The following RBMS3 variants were observed in gnomAD, a reference collection of about 807,000 sequenced individuals.
RBMS3 encodes the protein RNA-binding motif, single-stranded-interacting protein 3.
In RBMS3, 27 loss-of-function variants were observed where a neutral mutation model predicts 66.8. The observed-to-expected ratio is 0.40, with a 90% CI of 0.30 to 0.56. The LOEUF (loss-of-function observed/expected upper bound fraction) is 0.56. Ranked by LOEUF, RBMS3 falls within the 20% of genes least tolerant of loss-of-function variation. The pLI is 0.40. For missense variants in RBMS3, 513 were observed against 549.5 expected (o/e 0.93, Z 0.66); for synonymous variants, 188 against 183.0 (o/e 1.03, Z -0.22).
chr3:29,377,890 C>G (rs369192011), intron 1 of RBMS3, among the ~76,000 whole-genome samples: 2 of 152,184 alleles, frequency 1.3e-5, no homozygotes, highest in African/African-American at 4.8e-5. Context: ...GTTACCAAAA[C>G]TAGTCTTTTA....
At chr3:29,543,737 A>T (rs907725132) in intron 3 of RBMS3, among the ~76,000 whole-genome samples, 1 of 151,992 alleles carries the variant, frequency 6.6e-6, no homozygotes, top group Non-Finnish European at 1.5e-5. Flanking sequence ...AAAGTAAATC[A>T]CTTAGTTGAT....
chr3:29,691,425 G>A (rs1467607321), intron 4 of RBMS3, among the ~76,000 whole-genome samples: 1 of 152,050 alleles, frequency 6.6e-6, no homozygotes, highest in Non-Finnish European at 1.5e-5. Context: ...CTCTGCTCTA[G>A]TATTAAGAAA....
intron 6 of RBMS3, among the ~76,000 whole-genome samples, chr3:29,821,949 CTCT>C (rs989423861): frequency 2.0e-5 from 3 of 152,138 alleles, no homozygotes; most frequent in Admixed American, 6.5e-5. Context: ...ATACATCTGG[CTCT>C]TCTTCTCAAA....
At chr3:29,794,456 G>A (rs556506834) in intron 6 of RBMS3, among the ~76,000 whole-genome samples, 285 of 152,102 alleles carry the variant, frequency 1.9e-3, no homozygotes, top group Middle Eastern at 3.4e-3. Context: ...CATGGTGGCG[G>A]GCGCCTGTAG....
At chr3:29,648,637 G>T (rs1177269160) in intron 4 of RBMS3, among the ~76,000 whole-genome samples, 4 of 151,988 alleles carry the variant, frequency 2.6e-5, no homozygotes, top group African/African-American at 9.7e-5. Context: ...TTAAAGGAAA[G>T]CAAGGAGATT....
chr3:29,857,297 G>A (rs2059102837), intron 6 of RBMS3, among the ~76,000 whole-genome samples: 1 of 152,016 alleles, frequency 6.6e-6, no homozygotes, highest in Non-Finnish European at 1.5e-5. Context: ...CTTCCTTGTT[G>A]GAGAATCCTA....
At chr3:29,696,031 C>A (rs1164358838) in intron 4 of RBMS3, among the ~76,000 whole-genome samples, 1 of 152,250 alleles carries the variant, frequency 6.6e-6, no homozygotes, top group Admixed American at 6.5e-5. Context: ...TCTTTCTTGC[C>A]GTCAGTAAAG....
chr3:29,640,288 A>C (rs953018345), intron 4 of RBMS3, among the ~76,000 whole-genome samples: 2 of 145,650 alleles, frequency 1.4e-5, no homozygotes, highest in Admixed American at 6.9e-5. Flanking sequence ...ACACACACCC[A>C]CACACACACG....
At chr3:29,304,926 C>T (rs1450074411) in intron 1 of RBMS3, among the ~76,000 whole-genome samples, 1 of 151,884 alleles carries the variant, frequency 6.6e-6, no homozygotes, top group African/African-American at 2.4e-5. Flanking sequence ...TCTACCATAA[C>T]AATATATATC....
chr3:29,456,014 G>C (rs2042179235), intron 2 of RBMS3, among the ~76,000 whole-genome samples: 1 of 152,090 alleles, frequency 6.6e-6, no homozygotes, highest in South Asian at 2.1e-4. Context: ...CTGATTTGGG[G>C]ATTACAAATA....
At chr3:29,569,241 C>A (rs1389395455) in intron 3 of RBMS3, among the ~76,000 whole-genome samples, 1 of 152,096 alleles carries the variant, frequency 6.6e-6, no homozygotes, top group Non-Finnish European at 1.5e-5. Context: ...TGTATCTGAA[C>A]CACCATGTCC....
intron 1 of RBMS3, among the ~76,000 whole-genome samples, chr3:29,417,520 T>A (rs986408517): frequency 6.6e-6 from 1 of 152,192 alleles, no homozygotes; most frequent in African/African-American, 2.4e-5. Flanking sequence ...GGGAATATCC[T>A]ATGGGTTTAT....
intron 1 of RBMS3, among the ~76,000 whole-genome samples, chr3:29,331,192 A>T (rs562320948): frequency 1.3e-5 from 2 of 152,116 alleles, no homozygotes; most frequent in Admixed American, 1.3e-4. Context: ...ATCTCTCTGA[A>T]TACCTTTTTA....
intron 1 of RBMS3, among the ~76,000 whole-genome samples, chr3:29,346,396 C>CTTT (rs34803214): frequency 0.014 from 832 of 60,006 alleles, 11 homozygotes; most frequent in Non-Finnish European, 0.016. Context: ...GCAATTCATT[C>CTTT]TTTTTTTTTT....
At chr3:29,661,167 C>T (rs1027534711) in intron 4 of RBMS3, among the ~76,000 whole-genome samples, 3 of 152,100 alleles carry the variant, frequency 2.0e-5, no homozygotes, top group African/African-American at 7.2e-5. Flanking sequence ...CAAGCCTTCC[C>T]CTGGAAGTTG....
chr3:29,705,570 T>G, intron 4 of RBMS3, among the ~76,000 whole-genome samples: 1 of 152,308 alleles, frequency 6.6e-6, no homozygotes, highest in South Asian at 2.1e-4. Flanking sequence ...AGGTTTATTC[T>G]TCTTGTTGTG....
chr3:29,438,882 A>C (rs2041501018), intron 2 of RBMS3, among the ~76,000 whole-genome samples: 1 of 152,220 alleles, frequency 6.6e-6, no homozygotes, highest in African/African-American at 2.4e-5. Flanking sequence ...AAAAAATTGC[A>C]ACTGTAAGTG....
At chr3:29,940,287 G>A (rs901570664) in intron 11 of RBMS3, among the ~76,000 whole-genome samples, 6 of 151,794 alleles carry the variant, frequency 4.0e-5, no homozygotes, top group East Asian at 1.9e-4. Context: ...ACTATCTGAC[G>A]TCTCTCTCCT....
At chr3:29,775,350 T>C (rs1199075443) in intron 6 of RBMS3, among the ~76,000 whole-genome samples, 10 of 151,820 alleles carry the variant, frequency 6.6e-5, no homozygotes, top group Non-Finnish European at 1.0e-4. Context: ...GAGGCAATGG[T>C]TAGTCTTCTG....
Sources: gnomAD v4.1 joint callset for allele counts (sites outside exome capture counted in the v4.1 genomes callset) on GRCh38, gnomAD v4.1.1 for gene constraint, MANE v1.5 for transcripts, NCBI Gene and HGNC (gene_info 2026-07-23, HGNC 2026-07-21) for gene names.